Variants in PSG1 observed in about 807,000 individuals in gnomAD.
PSG1 encodes pregnancy specific beta-1-glycoprotein 1.
Under a neutral mutation model 41.4 loss-of-function variants are expected in PSG1, and 60 were observed. That is an observed-to-expected ratio of 1.45 (90% CI 1.18 to 1.80). PSG1 has a LOEUF of 1.80. Among genes scored for constraint, PSG1 ranks in the 40% most tolerant of loss-of-function variants. PSG1 has a pLI of 0.00. For missense variants in PSG1, 806 were observed against 516.9 expected (o/e 1.56, Z -5.42); for synonymous variants, 256 against 192.9 (o/e 1.33, Z -2.71).
At position 42,872,060 on chromosome 19, in the gene PSG1, G is replaced by A. The variant is rs897102001; in HGVS notation, c.431-15C>T. 6.2e-7 allele frequency: 1 copy of A among 1,602,870 alleles called. No homozygotes were observed. Among genetic ancestry groups the A allele is most frequent in the Non-Finnish European group, 8.5e-7 (1 of 1,174,166 alleles). On this transcript the variant is annotated splice_polypyrimidine_tract_variant and intron_variant, in intron 2 of 5. Transcript: ENST00000436291. ...AGGAGTCTCCACTGTGCAGAAAACA[G>A]GGTGAAGATTGCCGTGTGTGGCGCC...
At position 42,871,642 on chromosome 19, in the gene PSG1, G is replaced by C. The variant is rs1031511275; in HGVS notation, c.709+125C>G. On this transcript the variant is annotated intron_variant, in intron 3 of 5. Coordinates refer to ENST00000436291, the MANE Select transcript of PSG1 (RefSeq NM_001184825.2). ...TGGTTTGCCTGGGGCACAAAGTCAT[G>C]GCCAGGTTTGATGTCCAGGGGTAAA... 6.2e-6 allele frequency: 10 copies of C among 1,605,464 alleles called. 1 individual carries two copies. In the Admixed American group the frequency reaches 8.4e-5, roughly 13 times the overall value.
In PSG1 at chr19:42,879,677, C is replaced by G; in HGVS notation, c.-96G>C. The G allele has an allele frequency of 6.5e-7, 1 of 1,534,222 alleles. No homozygotes were observed. Among genetic ancestry groups the G allele is most frequent in the Non-Finnish European group, 8.9e-7 (1 of 1,125,938 alleles). On this transcript the variant is annotated 5_prime_UTR_variant, in exon 1 of 6. Transcript: ENST00000436291. ...GTCAGCTGTGCTGTCCTTCCTCTTT[C>G]TGTGCTGAGCCTCTTCCCAGGGCAG...
At position 42,871,806 on chromosome 19, in the gene PSG1, T is replaced by A; in HGVS notation, c.670A>T (p.Ser224Cys). 6.2e-7 allele frequency: 1 copy of A among 1,612,630 alleles called. No homozygotes were observed. Among genetic ancestry groups the A allele is most frequent in the South Asian group, 1.1e-5 (1 of 90,836 alleles). ...GTGACTGGGTCACTGCGGCTGGCAC[T>A]CACTGGGTTCCGTATTTCACATTCA... is the stretch of plus-strand genomic sequence containing the variant. The part of the protein sequence containing the change: ...PYECEIRNPV[S>C]ASRSDPVTLN... The change falls in exon 3 of 6, where the codon AGT becomes TGT. Residue 224 changes from serine (S) to cysteine (C), a missense_variant. By Grantham distance (112) the Ser-to-Cys change is moderately radical (BLOSUM62 -1). Coordinates refer to ENST00000436291, the MANE Select transcript of PSG1 (RefSeq NM_001184825.2).
At position 42,878,135 on chromosome 19, in the gene PSG1, C is replaced by T; in HGVS notation, c.208G>A (p.Gly70Arg). Reference sequence around the variant, plus strand: ...TAATGGTAGAGGTCCCTCATTTGCCCTTTGTACCAGATGTAGCCGGTAAGA... The same window carrying T: ...TAATGGTAGAGGTCCCTCATTTGCCTTTTGTACCAGATGTAGCCGGTAAGA... ...QNLTGYIWYK[G>R]QMRDLYHYIT... The change falls in exon 2 of 6, where the codon GGG (glycine) becomes AGG (arginine). Residue 70 changes from glycine (G) to arginine (R), a missense_variant. Gly to Arg is a moderately radical substitution (Grantham distance 125). Coordinates refer to ENST00000436291, the MANE Select transcript of PSG1 (RefSeq NM_001184825.2). 1 of 1,612,338 alleles carries T rather than the reference C, an allele frequency of 6.2e-7. No individual in the cohort carries two copies. Among genetic ancestry groups the T allele is most frequent in the Non-Finnish European group, 8.5e-7 (1 of 1,179,194 alleles).
At chr19:42,877,794 C>T in intron 2 of PSG1, 119 bp downstream of exon 2, 1 of 1,583,250 alleles carries the variant, frequency 6.3e-7, no homozygotes. Flanking sequence ...GCCCAAATCC[C>T]AGCATGGGAC....
At chr19:42,876,282 C>T (rs1971601835) in intron 2 of PSG1, among the ~76,000 whole-genome samples, 1 of 151,418 alleles carries the variant, frequency 6.6e-6, no homozygotes. Context: ...TCTTCAGAAA[C>T]TCCAGGGACC....
Position 42,877,912 on chromosome 19 carries a change from C to T in PSG1, c.430+1G>A, listed in dbSNP as rs375340094. On this transcript the variant is annotated splice_donor_variant, in intron 2 of 5. Coordinates refer to ENST00000436291, the MANE Select transcript of PSG1 (RefSeq NM_001184825.2). LOFTEE classifies it high-confidence loss of function. ...CCCAGGGATCATGTGGAATCACTTA[C>T]GGTGTAAGGTGAAGGTGAAACGTCC... The T allele has an allele frequency of 3.2e-5, 51 of 1,611,854 alleles. No individual in the cohort carries two copies. Among genetic ancestry groups the T allele is most frequent in the Middle Eastern group, 1.6e-4 (1 of 6,078 alleles).
In PSG1 at chr19:42,866,740, A is replaced by G. The variant is rs1303098752; in HGVS notation, c.*394T>C. The G allele has an allele frequency of 6.6e-6, 3 of 457,094 alleles. No individual in the cohort carries two copies. Among genetic ancestry groups the G allele is most frequent in the East Asian group, 7.6e-5 (2 of 26,490 alleles). The allele number at this position is 457,094 out of a possible 1,614,324, so 28.3% of individuals were successfully genotyped here. A position where few individuals can be genotyped will look rare whatever the true frequency, so the allele number is the denominator to read the frequency against. On this transcript the variant is annotated 3_prime_UTR_variant, in exon 6 of 6. Transcript: ENST00000436291. ...TGTAAAAGTTTGAGGTTGAGATGAC[A>G]TATCTGACACTCTGTTGTTACTCTC...
Position 42,869,327 on chromosome 19 carries a change from G to T in PSG1, c.710-293C>A, listed in dbSNP as rs372010362. ...TCACAGCCCCTGGTACCCTTCCCAG[G>T]CCCTCCCTAATCAGTTGACTGGCTG... On this transcript the variant is annotated intron_variant, in intron 3 of 5. Coordinates refer to ENST00000436291, the MANE Select transcript of PSG1 (RefSeq NM_001184825.2). 3.6e-4 allele frequency: 209 copies of T among 588,636 alleles called. 4 individuals carry two copies. Among genetic ancestry groups the T allele is most frequent in the African/African-American group, 1.7e-3 (94 of 54,134 alleles). The allele number at this position is 588,636 out of a possible 1,614,324, so 36.5% of individuals were successfully genotyped here. A position where few individuals can be genotyped will look rare whatever the true frequency, so the allele number is the denominator to read the frequency against.
At position 42,874,773 on chromosome 19, in the gene PSG1, G is replaced by A. The variant is rs1042887689; in HGVS notation, c.431-2728C>T. The stretch of plus-strand genomic sequence containing the variant: ...GCTAGAACTCTCTAGAAAGTGACCG[G>A]AGAATGTGAGCTCCATAGCAGGTTG... On this transcript the variant is annotated intron_variant, in intron 2 of 5. Transcript: ENST00000436291. Among the ~76,000 whole-genome samples, 71 of 151,538 alleles carry A rather than the reference G, an allele frequency of 4.7e-4. 3 individuals carry two copies. Among genetic ancestry groups the A allele is most frequent in the African/African-American group, 1.7e-3 (70 of 41,234 alleles).
intron 2 of PSG1, 71 bp from the exon 3 acceptor site, chr19:42,872,116 GAAT>G: frequency 6.4e-7 from 1 of 1,551,478 alleles, no homozygotes; most frequent in Non-Finnish European, 8.7e-7. Flanking sequence ...TTTTCAATCA[GAAT>G]TGGCATTTCC....
chr19:42,872,810 G>A (rs1002399683), intron 2 of PSG1, among the ~76,000 whole-genome samples: 1 of 151,858 alleles, frequency 6.6e-6, no homozygotes, highest in African/African-American at 2.4e-5. Flanking sequence ...GGGCAGTTGA[G>A]GACCATGTGG....
At chr19:42,874,393 C>T in intron 2 of PSG1, among the ~76,000 whole-genome samples, 1 of 151,470 alleles carries the variant, frequency 6.6e-6, no homozygotes, top group East Asian at 1.9e-4. Context: ...GTCACCCCGG[C>T]TGCAGTGCAG....
In PSG1 at chr19:42,867,006, G is replaced by A. The variant is rs1971159955; in HGVS notation, c.*128C>T. The A allele has an allele frequency of 3.9e-6, 3 of 765,152 alleles. No homozygotes were observed. Among genetic ancestry groups the A allele is most frequent in the Admixed American group, 1.7e-5 (1 of 58,852 alleles). The allele number at this position is 765,152 out of a possible 1,614,324, so 47.4% of individuals were successfully genotyped here. A position where few individuals can be genotyped will look rare whatever the true frequency, so the allele number is the denominator to read the frequency against. ...GAGTTCTGAGTGGCTCATGCTTCAC[G>A]TACAAGGGTTTTCCCATGAAATTTA... is the stretch of plus-strand genomic sequence containing the variant. On this transcript the variant is annotated 3_prime_UTR_variant, in exon 6 of 6. Transcript: ENST00000436291.
chr19:42,878,614 G>A lies in PSG1; in HGVS notation c.65-336C>T, dbSNP rs758195280. Among the ~76,000 whole-genome samples, 417 of 141,694 alleles carry A rather than the reference G, an allele frequency of 2.9e-3. 4 individuals are homozygous for A. Among genetic ancestry groups the A allele is most frequent in the African/African-American group, 0.011 (406 of 36,088 alleles). The allele number at this position is 141,694 out of a possible 152,430, so 93.0% of individuals were successfully genotyped here. A position where few individuals can be genotyped will look rare whatever the true frequency, so the allele number is the denominator to read the frequency against. On this transcript the variant is annotated intron_variant, in intron 1 of 5. Coordinates refer to ENST00000436291, the MANE Select transcript of PSG1 (RefSeq NM_001184825.2). Reference sequence around the variant, plus strand: ...TGCCCTCAGGTCCTGCTTACATCAGGGCATCGTTAGACTTCTTTCCTGATG... The same window carrying A: ...TGCCCTCAGGTCCTGCTTACATCAGAGCATCGTTAGACTTCTTTCCTGATG...
At position 42,875,612 on chromosome 19, in the gene PSG1, C is replaced by T. The variant is rs1253454320; in HGVS notation, c.430+2301G>A. ...CACAAACAGATCATGTCCCCCTGCC[C>T]CCATGATTCCATCACCAAACAATCA... On this transcript the variant is annotated intron_variant, in intron 2 of 5. Transcript: ENST00000436291. 2.0e-5 allele frequency among the ~76,000 whole-genome samples: 3 copies of T among 151,370 alleles called. 1 individual carries two copies. The Admixed American group carries it at 2.0e-4, about 10-fold the overall frequency.
At chr19:42,872,544 C>A (rs1365327665) in intron 2 of PSG1, among the ~76,000 whole-genome samples, 1 of 151,640 alleles carries the variant, frequency 6.6e-6, no homozygotes, top group Admixed American at 6.6e-5. Flanking sequence ...TGGCCTGGGA[C>A]TGGGTATTCT....
At chr19:42,875,823 TG>T (rs1213794651) in intron 2 of PSG1, among the ~76,000 whole-genome samples, 14 of 113,928 alleles carry the variant, frequency 1.2e-4, no homozygotes, top group South Asian at 3.2e-4. Flanking sequence ...TTTATTTATT[TG>T]TTTTTTTTTT....
At chr19:42,876,696 T>G (rs1367163745) in intron 2 of PSG1, 6 of 185,116 alleles carry the variant, frequency 3.2e-5, no homozygotes, top group African/African-American at 1.4e-4. Context: ...TGATGGTGGT[T>G]AAGATCTGAG....
Sources: gnomAD v4.1 joint callset for allele counts (sites outside exome capture counted in the v4.1 genomes callset) on GRCh38, gnomAD v4.1.1 for gene constraint, MANE v1.5 for transcripts, NCBI Gene and HGNC (gene_info 2026-07-23, HGNC 2026-07-21) for gene names.